Variants in PCSK2 observed in about 807,000 individuals in gnomAD.
The protein encoded by PCSK2 is proprotein convertase subtilisin/kexin type 2.
Under a neutral mutation model 69.7 loss-of-function variants are expected in PCSK2, and 14 were observed. The observed-to-expected ratio is 0.20, with a 90% CI of 0.13 to 0.31. The LOEUF (loss-of-function observed/expected upper bound fraction) is 0.31. Ranked by LOEUF, PCSK2 falls within the 10% of genes least tolerant of loss-of-function variation. The pLI is 1.00. For synonymous variants in PCSK2, 307 were observed against 320.7 expected (o/e 0.96, Z 0.46); for missense variants, 544 against 842.5 (o/e 0.65, Z 4.39).
intron 2 of PCSK2, among the ~76,000 whole-genome samples, chr20:17,291,537 A>G (rs1600455643): frequency 6.6e-6 from 1 of 152,224 alleles, no homozygotes; most frequent in African/African-American, 2.4e-5. Context: ...ATATGCAGGT[A>G]TATCTGTAAG....
chr20:17,443,354 A>T (rs1048810791), intron 8 of PCSK2, among the ~76,000 whole-genome samples: 2 of 152,192 alleles, frequency 1.3e-5, no homozygotes, highest in Non-Finnish European at 2.9e-5. Context: ...CAGGAAAGTG[A>T]CGTCCCTACC....
intron 1 of PCSK2, 43 bp from the exon 2 acceptor site, chr20:17,260,197 C>T (rs1600419503): frequency 7.6e-7 from 1 of 1,314,692 alleles, no homozygotes; most frequent in South Asian, 1.2e-5. Context: ...CCTGGGCCAA[C>T]CCCAGAAGCT....
intron 1 of PCSK2, among the ~76,000 whole-genome samples, chr20:17,250,586 T>C (rs1986937500): frequency 6.6e-6 from 1 of 152,220 alleles, no homozygotes; most frequent in Non-Finnish European, 1.5e-5. Context: ...CAATTACTAT[T>C]ATTATGACAT....
chr20:17,415,386 C>G (rs981853122), intron 6 of PCSK2, among the ~76,000 whole-genome samples: 3 of 152,142 alleles, frequency 2.0e-5, no homozygotes, highest in Admixed American at 1.3e-4. Context: ...TTTCTATACA[C>G]CAATAACAGA....
chr20:17,318,319 A>G (rs1369380031), intron 2 of PCSK2, among the ~76,000 whole-genome samples: 1 of 152,174 alleles, frequency 6.6e-6, no homozygotes, highest in Non-Finnish European at 1.5e-5. Context: ...GCCCTCTGTG[A>G]GAGATGAAGC....
chr20:17,259,514 T>C (rs1987299238), intron 1 of PCSK2, among the ~76,000 whole-genome samples: 1 of 152,132 alleles, frequency 6.6e-6, no homozygotes, highest in South Asian at 2.1e-4. Context: ...AACTCCCAGG[T>C]CAAGGCTCTT....
chr20:17,369,345 G>C (rs6111521), intron 5 of PCSK2, 68 bp downstream of exon 5: 6 of 1,257,658 alleles, frequency 4.8e-6, no homozygotes, highest in South Asian at 2.4e-5. Flanking sequence ...CTGGCTATTA[G>C]GAACATGCAC....
chr20:17,382,784 C>CA (rs1490586696), intron 5 of PCSK2, among the ~76,000 whole-genome samples: 17 of 152,132 alleles, frequency 1.1e-4, no homozygotes, highest in Admixed American at 7.2e-4. Flanking sequence ...TTAAAACCAA[C>CA]AGGTGGCTCT....
chr20:17,249,395 T>C (rs1568569401), intron 1 of PCSK2, among the ~76,000 whole-genome samples: 1 of 150,036 alleles, frequency 6.7e-6, no homozygotes, highest in Non-Finnish European at 1.5e-5. Flanking sequence ...TAGTCCCAGC[T>C]ACTCGGGAGG....
chr20:17,283,476 C>T (rs1162207729), intron 2 of PCSK2, among the ~76,000 whole-genome samples: 1 of 152,180 alleles, frequency 6.6e-6, no homozygotes, highest in Non-Finnish European at 1.5e-5. Flanking sequence ...GCCTCAGACT[C>T]TCCAGAAGGA....
intron 10 of PCSK2, among the ~76,000 whole-genome samples, chr20:17,461,850 C>G (rs999014139): frequency 6.6e-6 from 1 of 152,164 alleles, no homozygotes; most frequent in African/African-American, 2.4e-5. Context: ...ACCCCATTTA[C>G]CCTGATGTGA....
chr20:17,295,078 CTCT>C (rs1224376125), intron 2 of PCSK2, among the ~76,000 whole-genome samples: 2 of 151,982 alleles, frequency 1.3e-5, no homozygotes, highest in Admixed American at 6.6e-5. Context: ...TTTTTCCTAT[CTCT>C]TGTTTTTCTC....
intron 8 of PCSK2, among the ~76,000 whole-genome samples, chr20:17,438,183 A>G (rs1261085881): frequency 2.2e-4 from 34 of 152,234 alleles, no homozygotes. Context: ...AGATTTTGGT[A>G]AATTTCAAAT....
At chr20:17,319,384 C>T (rs555213572) in intron 2 of PCSK2, among the ~76,000 whole-genome samples, 3 of 152,234 alleles carry the variant, frequency 2.0e-5, no homozygotes, top group Non-Finnish European at 2.9e-5. Flanking sequence ...CTGATGGTGT[C>T]AGTAGGAGCC....
At chr20:17,430,540 A>T (rs17778024) in intron 7 of PCSK2, among the ~76,000 whole-genome samples, 196 of 152,360 alleles carry the variant, frequency 1.3e-3, no homozygotes, top group Non-Finnish European at 1.8e-3. Flanking sequence ...CTGTTTGCTA[A>T]GAGGCTTGCC....
At chr20:17,417,333 C>T (rs766146905) in intron 6 of PCSK2, among the ~76,000 whole-genome samples, 6 of 149,944 alleles carry the variant, frequency 4.0e-5, no homozygotes, top group East Asian at 3.9e-4. Flanking sequence ...TCATTGTCAG[C>T]GGTAAGAATT....
intron 11 of PCSK2, among the ~76,000 whole-genome samples, chr20:17,465,962 C>G (rs550091626): frequency 6.6e-6 from 1 of 152,180 alleles, no homozygotes; most frequent in South Asian, 2.1e-4. Flanking sequence ...AGCCACAATC[C>G]TCGGCCTGGA....
At chr20:17,251,717 G>A (rs1568570311) in intron 1 of PCSK2, among the ~76,000 whole-genome samples, 1 of 152,058 alleles carries the variant, frequency 6.6e-6, no homozygotes, top group Admixed American at 6.5e-5. Flanking sequence ...AAAATTTGGT[G>A]GTATAAAACA....
At chr20:17,282,358 G>C (rs1182788539) in intron 2 of PCSK2, among the ~76,000 whole-genome samples, 1 of 152,088 alleles carries the variant, frequency 6.6e-6, no homozygotes. Context: ...GAAGACATGG[G>C]AAGTGGCTCT....
Sources: allele counts gnomAD v4.1 joint callset (sites outside exome capture counted in the v4.1 genomes callset), GRCh38; gene constraint gnomAD v4.1.1; transcripts MANE v1.5; gene names NCBI Gene and HGNC (gene_info 2026-07-23, HGNC 2026-07-21).